ECE1: variants seen among roughly 807,000 people sequenced by gnomAD.
ECE1 encodes the protein endothelin converting enzyme 1.
A neutral mutation model predicts 98.6 loss-of-function variants in ECE1; 35 were observed. The ratio of observed to expected loss-of-function variants is 0.35; its 90% CI spans 0.27 to 0.47. The LOEUF is 0.47. Ranked by LOEUF, ECE1 falls within the 20% of genes least tolerant of loss-of-function variation. The probability of loss-of-function intolerance (pLI) is 1.00; values close to 1 mark genes in which losing one functional copy is unlikely to be tolerated. For missense variants in ECE1, 814 were observed against 1,025.3 expected (o/e 0.79, Z 2.81); for synonymous variants, 394 against 407.1 (o/e 0.97, Z 0.39).
chr1:21,234,133 G>A (rs1271325750), intron 13 of ECE1, among the ~76,000 whole-genome samples: 3 of 151,634 alleles, frequency 2.0e-5, no homozygotes, highest in African/African-American at 4.8e-5. Flanking sequence ...GATTACAGGC[G>A]CATGCCACCA....
chr1:21,263,430 C>T (rs1359427349), intron 4 of ECE1, among the ~76,000 whole-genome samples: 1 of 151,562 alleles, frequency 6.6e-6, no homozygotes, highest in Non-Finnish European at 1.5e-5. Flanking sequence ...AATCTCGGCT[C>T]ACTGCAACCT....
At chr1:21,333,557 C>A (rs1421513391) in intron 1 of ECE1, among the ~76,000 whole-genome samples, 3 of 152,158 alleles carry the variant, frequency 2.0e-5, no homozygotes, top group African/African-American at 7.2e-5. Flanking sequence ...ACGGGCTGGG[C>A]GCAGTGGCTC....
chr1:21,323,717 A>C (rs945626463), intron 1 of ECE1, among the ~76,000 whole-genome samples: 7 of 152,190 alleles, frequency 4.6e-5, no homozygotes, highest in Non-Finnish European at 7.3e-5. Context: ...AGAATAAATA[A>C]GACAAATCAA....
chr1:21,304,278 G>A (rs1489593490), intron 1 of ECE1, among the ~76,000 whole-genome samples: 40 of 142,180 alleles, frequency 2.8e-4, no homozygotes, highest in Admixed American at 1.2e-3. Flanking sequence ...ATCGCGCCAC[G>A]GCACTCCAGC....
At chr1:21,287,968 A>AC (rs2098262470) in intron 2 of ECE1, among the ~76,000 whole-genome samples, 1 of 151,872 alleles carries the variant, frequency 6.6e-6, no homozygotes, top group African/African-American at 2.4e-5. Context: ...GGGAAAAAAA[A>AC]AAAAACAATG....
In ECE1 at chr1:21,340,319, G is replaced by T. The variant is rs1049600786; in HGVS notation, c.3+5057C>A. On this transcript the variant is annotated intron_variant, in intron 1 of 18. Coordinates refer to the ECE1 transcript ENST00000415912. This position sits in a 1 kb window ranked among gnomAD's most constrained non-coding sequence, Gnocchi z 4.6. Reference sequence around the variant, plus strand: ...TCTGGGACCTCTGTCTGGGGCCACAGCCTCCTTCTGTCTTCACTGACTGCT... The same window carrying T: ...TCTGGGACCTCTGTCTGGGGCCACATCCTCCTTCTGTCTTCACTGACTGCT... Among the ~76,000 whole-genome samples, 2 of 152,282 alleles carry T rather than the reference G, an allele frequency of 1.3e-5. No homozygotes were observed. Among genetic ancestry groups the T allele is most frequent in the Non-Finnish European group, 2.9e-5 (2 of 68,052 alleles).
At chr1:21,338,552 C>A (rs1363200107) in intron 1 of ECE1, among the ~76,000 whole-genome samples, 1 of 152,228 alleles carries the variant, frequency 6.6e-6, no homozygotes. Flanking sequence ...TGCACAACTT[C>A]GAGTCTATCC....
intron 1 of ECE1, among the ~76,000 whole-genome samples, chr1:21,306,970 G>T (rs1638612362): frequency 6.6e-6 from 1 of 152,084 alleles, no homozygotes; most frequent in African/African-American, 2.4e-5. Context: ...TATACTCCCG[G>T]CCCAGTGCTC....
intron 8 of ECE1, among the ~76,000 whole-genome samples, chr1:21,248,903 A>G (rs2098208064): frequency 6.6e-6 from 1 of 151,878 alleles, no homozygotes; most frequent in Non-Finnish European, 1.5e-5. Flanking sequence ...GATTAACAGC[A>G]CTTTGAGCCA....
chr1:21,297,757 G>A (rs184145991), intron 1 of ECE1, among the ~76,000 whole-genome samples: 8 of 151,532 alleles, frequency 5.3e-5, no homozygotes, highest in East Asian at 3.9e-4. Flanking sequence ...GGCTGGTCTC[G>A]AACTCCTGAC....
rs2098224892 is a variant in ECE1 at position 21,260,162 on chromosome 1, G to GGCTGGAC, written c.615+102_615+108dup. 1 of 1,495,206 alleles carries GGCTGGAC rather than the reference G, an allele frequency of 6.7e-7. No homozygotes were observed. Among genetic ancestry groups the GGCTGGAC allele is most frequent in the Admixed American group, 1.7e-5 (1 of 59,610 alleles). The allele number at this position is 1,495,206 out of a possible 1,614,324, so 92.6% of individuals were successfully genotyped here. ...TTTCTGTCTTTCTCTTGGTGCTACC[G>GGCTGGAC]GCTGGACGTATGAGGTGGGCCAGTG... On this transcript the variant is annotated intron_variant, in intron 5 of 18. Transcript: ENST00000374893. The surrounding 1 kb of genome is among the most constrained non-coding windows in gnomAD (Gnocchi z 4.3).
Position 21,275,520 on chromosome 1 carries a change from G to A in ECE1, c.281-2609C>T, listed in dbSNP as rs372032648. 8.5e-5 allele frequency among the ~76,000 whole-genome samples: 13 copies of A among 152,218 alleles called. No homozygotes were observed. In the East Asian group the frequency reaches 1.5e-3, roughly 18 times the overall value. ...TGAGGCAGGAGAATCTTTTGAACCC[G>A]GGAGGCGGAGATTGCAGTGAGCCAA... On this transcript the variant is annotated intron_variant, in intron 3 of 18. Transcript: ENST00000374893.
At chr1:21,291,787 A>T (rs2098266801), upstream of ECE1, among the ~76,000 whole-genome samples, 1 of 151,974 alleles carries the variant, frequency 6.6e-6, no homozygotes. Context: ...AGATTGTGCC[A>T]CTGTACTCTA....
Position 21,290,141 on chromosome 1 carries a change from G to T in ECE1, c.67C>A (p.Arg23=). 6.4e-7 allele frequency: 1 copy of T among 1,565,448 alleles called. No homozygotes were observed. The change falls in exon 2 of 19, where the codon CGG becomes AGG. Residue 23 remains arginine, a synonymous_variant. Coordinates refer to ENST00000374893, the MANE Select transcript of ECE1 (RefSeq NM_001397.3). The surrounding 1 kb of genome is among the most constrained non-coding windows in gnomAD (Gnocchi z 7.3). ...LSALGMSTYK[R]ATLDEEDLVD... is the part of the protein sequence containing the mutation. ...AGGTCCTCCTCGTCCAGCGTGGCCC[G>T]CTTGTACGTCGACATCTGCAAGGCC...
At chr1:21,316,998 C>G (rs564240373) in intron 1 of ECE1, among the ~76,000 whole-genome samples, 3 of 152,224 alleles carry the variant, frequency 2.0e-5, no homozygotes, top group African/African-American at 7.2e-5. Context: ...AGTATCAAGA[C>G]AGTCACTGAA....
chr1:21,287,472 G>C (rs1417640329), intron 2 of ECE1, among the ~76,000 whole-genome samples: 1 of 152,228 alleles, frequency 6.6e-6, no homozygotes, highest in Non-Finnish European at 1.5e-5. Flanking sequence ...GTTGCAGTGA[G>C]CTGAGATCGC....
intron 4 of ECE1, among the ~76,000 whole-genome samples, chr1:21,263,953 C>A (rs1020774326): frequency 1.3e-5 from 2 of 152,170 alleles, no homozygotes; most frequent in African/African-American, 4.8e-5. Context: ...AGTGAGGCTG[C>A]CAGGCGGGAG....
At chr1:21,246,082 T>G (rs212510) in intron 9 of ECE1, among the ~76,000 whole-genome samples, 1 of 151,958 alleles carries the variant, frequency 6.6e-6, no homozygotes, top group Admixed American at 6.6e-5. Flanking sequence ...CTGGGCAACA[T>G]AGTGAGACCC....
chr1:21,244,425 C>T (rs1573957430), intron 10 of ECE1, among the ~76,000 whole-genome samples: 2 of 152,258 alleles, frequency 1.3e-5, no homozygotes, highest in African/African-American at 4.8e-5. Flanking sequence ...AGGGTGACAG[C>T]CACTTCCTTG....
Sources: allele counts gnomAD v4.1 joint callset (sites outside exome capture counted in the v4.1 genomes callset), GRCh38; gene constraint gnomAD v4.1.1; non-coding constraint Gnocchi (gnomAD v3.1); transcripts MANE v1.5; gene names NCBI Gene and HGNC (gene_info 2026-07-23, HGNC 2026-07-21).